Variants in RPS6KA5 observed in about 807,000 individuals in gnomAD.
RPS6KA5 encodes ribosomal protein S6 kinase A5.
In RPS6KA5, 27 loss-of-function variants were observed where a neutral mutation model predicts 85.5. The observed-to-expected ratio is 0.32, with a 90% confidence interval of 0.23 to 0.44. The LOEUF (loss-of-function observed/expected upper bound fraction) is 0.44. Among genes scored for constraint, RPS6KA5 ranks in the 20% least tolerant of loss-of-function variants. The pLI, the probability that RPS6KA5 is intolerant of heterozygous loss-of-function variation, is 1.00. For synonymous variants in RPS6KA5, 334 were observed against 348.2 expected (o/e 0.96, Z 0.46); for missense variants, 811 against 980.9 (o/e 0.83, Z 2.31).
chr14:90,975,223 TCAGA>T (rs1280827809), intron 3 of RPS6KA5, among the ~76,000 whole-genome samples: 8 of 152,166 alleles, frequency 5.3e-5, no homozygotes, highest in African/African-American at 1.9e-4. Flanking sequence ...TACTTAGTCA[TCAGA>T]CAAACTGTTA....
chr14:90,920,114 T>A lies in RPS6KA5; in HGVS notation c.806+92A>T, dbSNP rs950066288. 40 of 849,056 alleles carry A rather than the reference T, an allele frequency of 4.7e-5. No homozygotes were observed. In the African/African-American group the frequency reaches 5.3e-4, roughly 11 times the overall value. 52.6% of individuals were successfully genotyped at this position (849,056 alleles called of 1,614,324 possible). A position where few individuals can be genotyped will look rare whatever the true frequency, so the allele number is the denominator to read the frequency against. On this transcript the variant is annotated intron_variant, in intron 7 of 16. Transcript: ENST00000614987. ...AACATCACTTTGTCTATCCTCATTT[T>A]AAAAAATTATCGTTTACATCAGCCT... is the stretch of plus-strand genomic sequence containing the variant.
chr14:91,016,488 C>G (rs1243231361), intron 1 of RPS6KA5, among the ~76,000 whole-genome samples: 1 of 152,110 alleles, frequency 6.6e-6, no homozygotes, highest in Admixed American at 6.5e-5. Flanking sequence ...TCATATTTTT[C>G]TATCTTATTA....
rs1385689347 is a variant in RPS6KA5, at chr14:90,900,749, CAAAG to C, written c.1120-17_1120-14del. On this transcript the variant is annotated splice_polypyrimidine_tract_variant and intron_variant, in intron 9 of 16. Coordinates refer to ENST00000614987, the MANE Select transcript of RPS6KA5 (RefSeq NM_004755.4). The stretch of plus-strand genomic sequence containing the variant: ...CAAAGGAATAGCCCTAAAAACAAGA[CAAAG>C]AAAGATAAAGAAAAACAACTTGCAG... 5.6e-6 allele frequency: 9 copies of C among 1,597,506 alleles called. No individual in the cohort carries two copies. In the Admixed American group the frequency reaches 8.8e-5, roughly 16 times the overall value.
rs528148479 is a variant in RPS6KA5 at position 90,975,639 on chromosome 14, G to GA, written c.394+2666dup. Among the ~76,000 whole-genome samples the GA allele has an allele frequency of 6.3e-3, 967 of 152,298 alleles. 3 individuals carry two copies. The highest frequency in any genetic ancestry group is 0.01 in the Middle Eastern group (3 of 294). On this transcript the variant is annotated intron_variant, in intron 3 of 16. Transcript: ENST00000614987. The stretch of plus-strand genomic sequence containing the variant: ...GGACTTCCAGCCTCCAGTACTGTGA[G>GA]AAAATAAATGTCTATTGTTTAAGCC...
chr14:90,886,267 T>C (rs557362402), intron 14 of RPS6KA5, among the ~76,000 whole-genome samples: 5 of 152,098 alleles, frequency 3.3e-5, no homozygotes, highest in Non-Finnish European at 7.4e-5. Flanking sequence ...CAAAATAAAA[T>C]TGTGGGAAAA....
intron 2 of RPS6KA5, among the ~76,000 whole-genome samples, chr14:90,981,063 C>T (rs537732495): frequency 6.6e-6 from 1 of 152,026 alleles, no homozygotes; most frequent in East Asian, 1.9e-4. Context: ...CCCAGCTCCT[C>T]GGGAGGCTGA....
intron 11 of RPS6KA5, 28 bp from the exon 12 acceptor site, chr14:90,899,450 A>G (rs200608305): frequency 1.3e-6 from 2 of 1,516,592 alleles, no homozygotes; most frequent in East Asian, 4.5e-5. Flanking sequence ...TAGCATCCAC[A>G]TGTCTCTTCA....
intron 3 of RPS6KA5, among the ~76,000 whole-genome samples, chr14:90,960,599 C>A (rs539503051): frequency 1.3e-5 from 2 of 152,274 alleles, no homozygotes; most frequent in South Asian, 4.1e-4. Flanking sequence ...ATATAAAATA[C>A]ATATTAAATA....
At chr14:90,886,658 A>C (rs2034247589) in intron 14 of RPS6KA5, among the ~76,000 whole-genome samples, 1 of 152,222 alleles carries the variant, frequency 6.6e-6, no homozygotes, top group South Asian at 2.1e-4. Flanking sequence ...ACCACACACC[A>C]ATACTGCTGG....
At chr14:91,004,219 G>C (rs2040909215) in intron 1 of RPS6KA5, among the ~76,000 whole-genome samples, 1 of 152,176 alleles carries the variant, frequency 6.6e-6, no homozygotes, top group Non-Finnish European at 1.5e-5. Context: ...CCGAGGAGCT[G>C]GGCCTACAGG....
At chr14:90,920,056 T>A in intron 7 of RPS6KA5, 150 bp downstream of exon 7, 1 of 676,504 alleles carries the variant, frequency 1.5e-6, no homozygotes, top group South Asian at 1.6e-5. Context: ...CATATCTATA[T>A]GCCATATGAT....
chr14:90,849,101 C>A lies in RPS6KA5; in HGVS notation c.*22973G>T, dbSNP rs576869546. ...TCTGCAAATAGAAGCGTTCACCCCA[C>A]AGATGAGAAAAGGGGACTCAGTCGT... is the stretch of plus-strand genomic sequence containing the variant. On this transcript the variant is annotated 3_prime_UTR_variant, in exon 17 of 17. Coordinates refer to ENST00000614987, the MANE Select transcript of RPS6KA5 (RefSeq NM_004755.4). 2.0e-5 allele frequency: 3 copies of A among 152,320 alleles called. No individual in the cohort carries two copies. The South Asian group carries it at 6.2e-4, about 32-fold the overall frequency. 9.4% of individuals were successfully genotyped at this position (152,320 alleles called of 1,614,324 possible).
In RPS6KA5 at chr14:91,041,750, T is replaced by C. The variant is rs542960197; in HGVS notation, c.103+18582A>G. On this transcript the variant is annotated intron_variant, in intron 1 of 16. Coordinates refer to ENST00000614987, the MANE Select transcript of RPS6KA5 (RefSeq NM_004755.4). ...GCAGAACCAAGTTATATTTAATATC[T>C]GTGTACTTTAAAACAATGCTGCCCA... Among the ~76,000 whole-genome samples, 8 of 152,352 alleles carry C rather than the reference T, an allele frequency of 5.3e-5. No individual in the cohort carries two copies. In the South Asian group the frequency reaches 1.4e-3, roughly 28 times the overall value.
chr14:90,942,005 C>A (rs2037597086), intron 5 of RPS6KA5, among the ~76,000 whole-genome samples: 1 of 152,132 alleles, frequency 6.6e-6, no homozygotes, highest in Non-Finnish European at 1.5e-5. Context: ...ATATTTGTAT[C>A]AAAGATGATC....
At chr14:91,009,265 C>G (rs1423553145) in intron 1 of RPS6KA5, among the ~76,000 whole-genome samples, 1 of 152,190 alleles carries the variant, frequency 6.6e-6, no homozygotes, top group Non-Finnish European at 1.5e-5. Flanking sequence ...GAGGCTAGAG[C>G]GAGCCTGCTG....
At chr14:91,051,154 A>T (rs2043062351) in intron 1 of RPS6KA5, among the ~76,000 whole-genome samples, 1 of 152,012 alleles carries the variant, frequency 6.6e-6, no homozygotes, top group Admixed American at 6.6e-5. Flanking sequence ...TGGGAGGATC[A>T]CTTGAACCCA....
intron 1 of RPS6KA5, among the ~76,000 whole-genome samples, chr14:91,048,760 A>C (rs1320114626): frequency 6.6e-6 from 1 of 152,236 alleles, no homozygotes; most frequent in Non-Finnish European, 1.5e-5. Context: ...AGCTCAAAGG[A>C]GATAACTGTG....
chr14:90,906,314 A>C lies in RPS6KA5; in HGVS notation c.807-15T>G. 1 of 1,554,626 alleles carries C rather than the reference A, an allele frequency of 6.4e-7. No homozygotes were observed. The highest frequency in any genetic ancestry group is 8.7e-7 in the Non-Finnish European group (1 of 1,144,760). ...TTAATATTCTCCTGTAGGCAGACAAAACTTGCTGTTAAAACAAACAGGATG... is the reference window on the plus strand; with the variant it reads ...TTAATATTCTCCTGTAGGCAGACAACACTTGCTGTTAAAACAAACAGGATG... On this transcript the variant is annotated splice_polypyrimidine_tract_variant and intron_variant, in intron 7 of 16. Coordinates refer to ENST00000614987, the MANE Select transcript of RPS6KA5 (RefSeq NM_004755.4).
chr14:90,998,114 C>T lies in RPS6KA5; in HGVS notation c.175+2974G>A, dbSNP rs1268395767. On this transcript the variant is annotated intron_variant, in intron 2 of 16. Coordinates refer to ENST00000614987, the MANE Select transcript of RPS6KA5 (RefSeq NM_004755.4). ...GAAAGAAGCTGGTCACCAGGGACTA[C>T]ACATTTGTATGTTTACCTTTATATG... is the stretch of plus-strand genomic sequence containing the variant. Among the ~76,000 whole-genome samples, 4 of 150,470 alleles carry T rather than the reference C, an allele frequency of 2.7e-5. No homozygotes were observed. The South Asian group carries it at 6.3e-4, about 24-fold the overall frequency.
Sources: allele counts gnomAD v4.1 joint callset (sites outside exome capture counted in the v4.1 genomes callset), GRCh38; gene constraint gnomAD v4.1.1; transcripts MANE v1.5; gene names NCBI Gene and HGNC (gene_info 2026-07-23, HGNC 2026-07-21).